Variants in KCNJ6 observed in about 807,000 individuals in gnomAD.
The protein encoded by KCNJ6 is G protein-activated inward rectifier potassium channel 2.
Under a neutral mutation model 34.2 loss-of-function variants are expected in KCNJ6, and 9 were observed. The ratio of observed to expected loss-of-function variants is 0.26; its 90% confidence interval spans 0.16 to 0.46. The LOEUF (loss-of-function observed/expected upper bound fraction) is 0.46. KCNJ6 is among the 20% of genes least tolerant of loss of function. The pLI is 1.00. For missense variants in KCNJ6, 236 were observed against 531.3 expected (o/e 0.44, Z 5.46); for synonymous variants, 196 against 207.1 (o/e 0.95, Z 0.46).
At chr21:37,755,024 T>G (rs987892429) in intron 2 of KCNJ6, among the ~76,000 whole-genome samples, 2 of 152,166 alleles carry the variant, frequency 1.3e-5, no homozygotes. Context: ...CAGGATGTGT[T>G]CAATGATAAA....
chr21:37,607,482 A>ACATATATTTT lies in KCNJ6; in HGVS notation c.*17676_*17677insAAAATATATG, dbSNP rs1556007718. ...CTTAAAGATATATATATATATATATATTTTTTTTTTATTTTAAAAAAATTT... is the reference window on the plus strand; with the variant it reads ...CTTAAAGATATATATATATATATATACATATATTTTTTTTTTTTTTATTTTAAAAAAATTT... On this transcript the variant is annotated 3_prime_UTR_variant, in exon 4 of 4. Transcript: ENST00000609713. 157 of 136,762 alleles carry ACATATATTTT rather than the reference A, an allele frequency of 1.1e-3. No homozygotes were observed. Among genetic ancestry groups the ACATATATTTT allele is most frequent in the Non-Finnish European group, 6.8e-4 (44 of 64,768 alleles). 8.5% of individuals were successfully genotyped at this position (136,762 alleles called of 1,614,324 possible).
rs2835836 is a variant in KCNJ6, at chr21:37,616,885, A to C, written c.*8274T>G. ...AGGAGACAGCATAAGTTGTGTCTGT[A>C]AGTGCTGCAATGCAGAGTTCCTTGC... On this transcript the variant is annotated 3_prime_UTR_variant, in exon 4 of 4. Coordinates refer to ENST00000609713, the MANE Select transcript of KCNJ6 (RefSeq NM_002240.5). The C allele has an allele frequency of 0.26, 39,183 of 151,580 alleles. 5,666 individuals carry two copies. Among genetic ancestry groups the C allele is most frequent in the South Asian group, 0.33 (1,605 of 4,802 alleles). 9.4% of individuals were successfully genotyped at this position (151,580 alleles called of 1,614,324 possible). A position where few individuals can be genotyped will look rare whatever the true frequency, so the allele number is the denominator to read the frequency against.
chr21:37,902,515 T>G (rs1159847374), intron 1 of KCNJ6, among the ~76,000 whole-genome samples: 1 of 152,242 alleles, frequency 6.6e-6, no homozygotes, highest in East Asian at 1.9e-4. Context: ...AGATAACTAT[T>G]TTCAATAGTT....
At chr21:37,732,594 C>G (rs2054891511) in intron 2 of KCNJ6, among the ~76,000 whole-genome samples, 1 of 152,154 alleles carries the variant, frequency 6.6e-6, no homozygotes. Context: ...TTTTCTGGGG[C>G]AAGACCGATT....
intron 3 of KCNJ6, among the ~76,000 whole-genome samples, chr21:37,655,421 G>A (rs917788266): frequency 2.0e-5 from 3 of 152,134 alleles, no homozygotes; most frequent in Non-Finnish European, 4.4e-5. Flanking sequence ...TGAAGAAGCT[G>A]AATGAACTCA....
intron 3 of KCNJ6, among the ~76,000 whole-genome samples, chr21:37,683,055 C>A (rs967324658): frequency 6.6e-6 from 1 of 152,214 alleles, no homozygotes; most frequent in Non-Finnish European, 1.5e-5. Context: ...TGCTTCCATA[C>A]TGTTTCTCAG....
chr21:37,873,300 A>G (rs1034656560), intron 1 of KCNJ6, among the ~76,000 whole-genome samples: 4 of 152,232 alleles, frequency 2.6e-5, no homozygotes, highest in African/African-American at 9.6e-5. Flanking sequence ...ACGTTACGCG[A>G]ATCCTTGCAG....
At chr21:37,895,380 A>C (rs1412867398) in intron 1 of KCNJ6, among the ~76,000 whole-genome samples, 1 of 152,202 alleles carries the variant, frequency 6.6e-6, no homozygotes, top group Non-Finnish European at 1.5e-5. Flanking sequence ...GCACCTTTGG[A>C]GGTGTCTGCT....
chr21:37,615,659 G>A lies in KCNJ6; in HGVS notation c.*9500C>T, dbSNP rs1190727428. 2 of 152,256 alleles carry A rather than the reference G, an allele frequency of 1.3e-5. No homozygotes were observed. The highest frequency in any genetic ancestry group is 2.9e-5 in the Non-Finnish European group (2 of 67,996). The allele number at this position is 152,256 out of a possible 1,614,324, so 9.4% of individuals were successfully genotyped here. A position where few individuals can be genotyped will look rare whatever the true frequency, so the allele number is the denominator to read the frequency against. ...AACTTTGCTCTGGGGGCAAAAATGA[G>A]TATTTCTGATTTGAAATCAGGTTTT... On this transcript the variant is annotated 3_prime_UTR_variant, in exon 4 of 4. Coordinates refer to ENST00000609713, the MANE Select transcript of KCNJ6 (RefSeq NM_002240.5).
In KCNJ6 at chr21:37,695,059, A is replaced by G. The variant is rs968313424; in HGVS notation, c.946+19152T>C. Among the ~76,000 whole-genome samples, 1 of 152,226 alleles carries G rather than the reference A, an allele frequency of 6.6e-6. No homozygotes were observed. Among genetic ancestry groups the G allele is most frequent in the Non-Finnish European group, 1.5e-5 (1 of 68,040 alleles). On this transcript the variant is annotated intron_variant, in intron 3 of 3. Transcript: ENST00000609713. This position sits in a 1 kb window ranked among gnomAD's most constrained non-coding sequence, Gnocchi z 4.2. The stretch of plus-strand genomic sequence containing the variant: ...GTTATGGCAGCCTGAGCTGACTAAT[A>G]TACACAGCATATAACACAGCCAATT...
intron 3 of KCNJ6, among the ~76,000 whole-genome samples, chr21:37,703,026 G>A (rs552021293): frequency 2.0e-5 from 3 of 152,134 alleles, no homozygotes; most frequent in Non-Finnish European, 4.4e-5. Flanking sequence ...GGAGAGGACA[G>A]GTGATTCTTT....
rs1368624257 is a variant in KCNJ6, at chr21:37,655,262, AGAGAGAGAGAGAGAGAGAGAGAGT to A, written c.947-29802_947-29779del. On this transcript the variant is annotated intron_variant, in intron 3 of 3. Coordinates refer to ENST00000609713, the MANE Select transcript of KCNJ6 (RefSeq NM_002240.5). ...GAGAGAGAGAGAGAGAGAGAGAGAGAGAGAGAGAGAGAGAGAGAGAGAGTGTAACCATGAAGAGGTAATTGATAC... is the reference window on the plus strand; with the variant it reads ...GAGAGAGAGAGAGAGAGAGAGAGAGAGTAACCATGAAGAGGTAATTGATAC... Among the ~76,000 whole-genome samples the A allele has an allele frequency of 1.1e-3, 102 of 89,986 alleles. 3 individuals carry two copies. The highest frequency in any genetic ancestry group is 4.2e-3 in the African/African-American group (91 of 21,620). The allele number at this position is 89,986 out of a possible 152,430, so 59.0% of individuals were successfully genotyped here.
chr21:37,820,091 T>C (rs1420253698), intron 2 of KCNJ6, among the ~76,000 whole-genome samples: 1 of 152,104 alleles, frequency 6.6e-6, no homozygotes. Flanking sequence ...CCTGGCCCAC[T>C]CTTTTAAATT....
At chr21:37,651,163 G>C (rs1024529274) in intron 3 of KCNJ6, among the ~76,000 whole-genome samples, 3 of 152,166 alleles carry the variant, frequency 2.0e-5, no homozygotes, top group African/African-American at 7.2e-5. Flanking sequence ...TTGGGAGTAG[G>C]GATGGCTTTC....
chr21:37,807,674 G>A (rs1056838356), intron 2 of KCNJ6, among the ~76,000 whole-genome samples: 1 of 152,246 alleles, frequency 6.6e-6, no homozygotes, highest in Non-Finnish European at 1.5e-5. Flanking sequence ...TAGCCTAGGT[G>A]AGTAGCAGGC....
At chr21:37,632,402 T>G (rs1427315432) in intron 3 of KCNJ6, among the ~76,000 whole-genome samples, 1 of 152,006 alleles carries the variant, frequency 6.6e-6, no homozygotes, top group East Asian at 1.9e-4. Context: ...TATGCCTAAA[T>G]GCATATATTA....
chr21:37,873,692 T>C (rs2055663723), intron 1 of KCNJ6, among the ~76,000 whole-genome samples: 1 of 152,198 alleles, frequency 6.6e-6, no homozygotes, highest in South Asian at 2.1e-4. Context: ...TCACTCTCCC[T>C]GTTCTCTCTT....
intron 3 of KCNJ6, among the ~76,000 whole-genome samples, chr21:37,686,173 A>T (rs1209967848): frequency 2.0e-5 from 3 of 152,204 alleles, no homozygotes; most frequent in Non-Finnish European, 4.4e-5. Flanking sequence ...ATTAAAATTT[A>T]AAAAATGAGG....
At chr21:37,628,289 C>G (rs1205010797) in intron 3 of KCNJ6, among the ~76,000 whole-genome samples, 1 of 151,800 alleles carries the variant, frequency 6.6e-6, no homozygotes, top group African/African-American at 2.4e-5. Flanking sequence ...GTCTAAAGAA[C>G]AAAAGGAAAT....
Sources: gnomAD v4.1 joint callset for allele counts (sites outside exome capture counted in the v4.1 genomes callset) on GRCh38, gnomAD v4.1.1 for gene constraint, Gnocchi (gnomAD v3.1) non-coding constraint, MANE v1.5 for transcripts, NCBI Gene and HGNC (gene_info 2026-07-23, HGNC 2026-07-21) for gene names.